Variants in PLPP4 observed in about 807,000 individuals in gnomAD.
PLPP4 encodes phospholipid phosphatase 4.
Under a neutral mutation model 32.2 loss-of-function variants are expected in PLPP4, and 20 were observed. That is an observed-to-expected ratio of 0.62 (90% CI 0.44 to 0.90). PLPP4 has a LOEUF of 0.90. Among genes scored for constraint, PLPP4 ranks in the 40% least tolerant of loss-of-function variants. The pLI, the probability that PLPP4 is intolerant of heterozygous loss-of-function variation, is 0.00. For synonymous variants in PLPP4, 127 were observed against 133.0 expected (o/e 0.95, Z 0.31); for missense variants, 257 against 353.1 (o/e 0.73, Z 2.18).
chr10:120,555,621 A>AGTTTT (rs1376751918), intron 5 of PLPP4, among the ~76,000 whole-genome samples: 1 of 152,176 alleles, frequency 6.6e-6, no homozygotes, highest in Admixed American at 6.5e-5. Context: ...ATCAACACAC[A>AGTTTT]CTGGGTGCAG....
intron 5 of PLPP4, among the ~76,000 whole-genome samples, chr10:120,529,568 C>T (rs1405143497): frequency 6.6e-6 from 1 of 152,076 alleles, no homozygotes; most frequent in Non-Finnish European, 1.5e-5. Context: ...AGTGCAAAGC[C>T]AGAAATAGTG....
At chr10:120,544,448 CCT>C (rs1231721542) in intron 5 of PLPP4, among the ~76,000 whole-genome samples, 1 of 152,194 alleles carries the variant, frequency 6.6e-6, no homozygotes, top group African/African-American at 2.4e-5. Flanking sequence ...CTGCTAAGCT[CCT>C]CACTGCCCTT....
At chr10:120,509,516 T>A (rs776366154) in intron 2 of PLPP4, among the ~76,000 whole-genome samples, 29 of 152,248 alleles carry the variant, frequency 1.9e-4, no homozygotes, top group Non-Finnish European at 3.4e-4. Flanking sequence ...TTAAAGATGG[T>A]GTTCAATATA....
At chr10:120,471,039 T>TA (rs1488474450) in intron 1 of PLPP4, among the ~76,000 whole-genome samples, 1 of 152,248 alleles carries the variant, frequency 6.6e-6, no homozygotes, top group Non-Finnish European at 1.5e-5. Context: ...TGTGGCCACA[T>TA]ACATAGTAAT....
intron 1 of PLPP4, among the ~76,000 whole-genome samples, chr10:120,490,107 A>G (rs1844647662): frequency 6.6e-6 from 1 of 152,174 alleles, no homozygotes; most frequent in African/African-American, 2.4e-5. Context: ...TCCTCTTCTT[A>G]GGGAGACTTA....
intron 5 of PLPP4, among the ~76,000 whole-genome samples, chr10:120,536,509 CCTTAT>C (rs1847025887): frequency 1.3e-5 from 2 of 151,698 alleles, no homozygotes; most frequent in South Asian, 2.1e-4. Context: ...GAAATTGGGT[CCTTAT>C]CTTATATCAT....
intron 5 of PLPP4, among the ~76,000 whole-genome samples, chr10:120,556,887 A>G (rs1285418053): frequency 1.4e-5 from 2 of 144,516 alleles, no homozygotes; most frequent in Non-Finnish European, 3.0e-5. Flanking sequence ...TGCAATTTTA[A>G]TGGCAAAAAC....
intron 5 of PLPP4, among the ~76,000 whole-genome samples, chr10:120,535,533 T>G (rs949319553): frequency 6.6e-6 from 1 of 152,158 alleles, no homozygotes; most frequent in Non-Finnish European, 1.5e-5. Flanking sequence ...TATCGGTCAC[T>G]GAGAGTAGAG....
chr10:120,464,276 T>A (rs888204482), intron 1 of PLPP4, among the ~76,000 whole-genome samples: 1 of 152,222 alleles, frequency 6.6e-6, no homozygotes, highest in African/African-American at 2.4e-5. Context: ...ATTAAGCATA[T>A]TTTGTTGAAG....
At chr10:120,500,932 A>G (rs773943460) in intron 1 of PLPP4, among the ~76,000 whole-genome samples, 2 of 152,242 alleles carry the variant, frequency 1.3e-5, no homozygotes, top group Non-Finnish European at 2.9e-5. Flanking sequence ...AATCAAATCC[A>G]TAACACAGCA....
At chr10:120,490,801 G>A (rs1378603285) in intron 1 of PLPP4, among the ~76,000 whole-genome samples, 1 of 152,202 alleles carries the variant, frequency 6.6e-6, no homozygotes, top group Non-Finnish European at 1.5e-5. Flanking sequence ...CTGGAGCCAG[G>A]GGAACTCAGA....
chr10:120,574,327 G>C (rs926338061), intron 5 of PLPP4, among the ~76,000 whole-genome samples: 1 of 151,694 alleles, frequency 6.6e-6, no homozygotes, highest in Non-Finnish European at 1.5e-5. Context: ...TATAGCCAGG[G>C]TTGAGGACCA....
At chr10:120,522,830 C>T (rs564051554) in intron 5 of PLPP4, among the ~76,000 whole-genome samples, 134 of 152,140 alleles carry the variant, frequency 8.8e-4, no homozygotes, top group Non-Finnish European at 1.5e-3. Flanking sequence ...GTTTGACTGT[C>T]GTAATCCTTT....
intron 1 of PLPP4, among the ~76,000 whole-genome samples, chr10:120,464,571 C>G (rs1848229067): frequency 6.6e-6 from 1 of 152,206 alleles, no homozygotes; most frequent in African/African-American, 2.4e-5. Context: ...ATCTTGCTGT[C>G]TGATGGGGTG....
At chr10:120,496,558 G>A (rs1295518686) in intron 1 of PLPP4, among the ~76,000 whole-genome samples, 7 of 152,170 alleles carry the variant, frequency 4.6e-5, no homozygotes, top group South Asian at 2.1e-4. Context: ...AAGCTCATGT[G>A]TTCTGATGCG....
At chr10:120,540,246 T>C (rs1847276267) in intron 5 of PLPP4, among the ~76,000 whole-genome samples, 1 of 152,208 alleles carries the variant, frequency 6.6e-6, no homozygotes, top group South Asian at 2.1e-4. Flanking sequence ...ACCTGGGTCT[T>C]GTGTCCTCCT....
chr10:120,530,206 G>A (rs78315554), intron 5 of PLPP4, among the ~76,000 whole-genome samples: 3,002 of 152,126 alleles, frequency 0.02, 121 homozygotes, highest in African/African-American at 0.069. Flanking sequence ...TTTACAAATG[G>A]ACATACTGTA....
intron 1 of PLPP4, among the ~76,000 whole-genome samples, chr10:120,471,930 G>A (rs937846981): frequency 1.3e-5 from 2 of 151,768 alleles, no homozygotes; most frequent in Non-Finnish European, 2.9e-5. Context: ...ATTATAATAT[G>A]CACTTTTTAC....
chr10:120,477,035 T>A (rs567294228), intron 1 of PLPP4, among the ~76,000 whole-genome samples: 1 of 152,182 alleles, frequency 6.6e-6, no homozygotes, highest in Non-Finnish European at 1.5e-5. Context: ...AATCTTGGCT[T>A]CTTTCTTAAA....
Sources: allele counts gnomAD v4.1 joint callset (sites outside exome capture counted in the v4.1 genomes callset), GRCh38; gene constraint gnomAD v4.1.1; transcripts MANE v1.5; gene names NCBI Gene and HGNC (gene_info 2026-07-23, HGNC 2026-07-21).